Variants in RAET1L observed in about 807,000 individuals in gnomAD.
The protein encoded by RAET1L is UL16-binding protein 6.
In RAET1L, 16 loss-of-function variants were observed where a neutral mutation model predicts 23.9. The ratio of observed to expected loss-of-function variants is 0.67; its 90% CI spans 0.45 to 1.02. RAET1L has a LOEUF of 1.02. Ranked by LOEUF, RAET1L falls within the 50% of genes least tolerant of loss-of-function variation. The pLI, the probability that RAET1L is intolerant of heterozygous loss-of-function variation, is 0.00. For synonymous variants in RAET1L, 70 were observed against 111.2 expected (o/e 0.63, Z 2.33); for missense variants, 233 against 304.0 (o/e 0.77, Z 1.74).
chr6:150,023,896 G>A (rs1375630826), intron 1 of RAET1L, among the ~76,000 whole-genome samples: 2 of 152,192 alleles, frequency 1.3e-5, no homozygotes, highest in Non-Finnish European at 1.5e-5. Flanking sequence ...ATGAAGCTTA[G>A]GGATGCCTAT....
intron 2 of RAET1L, 28 bp from the exon 3 acceptor site, chr6:150,021,214 T>C: frequency 1.9e-6 from 3 of 1,590,210 alleles, no homozygotes; most frequent in Non-Finnish European, 2.6e-6. Context: ...AGATCAGCTC[T>C]GATCTTGACA....
chr6:150,025,530 A>G lies in RAET1L; in HGVS notation c.-59T>C, dbSNP rs1775879170. ...ATCAAGGTGGATCCTGGAAGATGAA[A>G]TCACCTCTGTGCTGAAAGGCTGGCT... is the stretch of plus-strand genomic sequence containing the variant. On this transcript the variant is annotated 5_prime_UTR_variant, in exon 1 of 5. Coordinates refer to ENST00000367341, the MANE Select transcript of RAET1L (RefSeq NM_130900.3). 2 of 1,403,580 alleles carry G rather than the reference A, an allele frequency of 1.4e-6. No homozygotes were observed. Among genetic ancestry groups the G allele is most frequent in the African/African-American group, 1.4e-5 (1 of 70,818 alleles). 86.9% of individuals were successfully genotyped at this position (1,403,580 alleles called of 1,614,324 possible).
At chr6:150,025,268 C>A (rs1775874068) in intron 1 of RAET1L, 119 bp downstream of exon 1, 18 of 782,960 alleles carry the variant, frequency 2.3e-5, no homozygotes, top group Non-Finnish European at 3.5e-5. Context: ...GAGCTGGGGG[C>A]GCAGTTCGGG....
intron 2 of RAET1L, among the ~76,000 whole-genome samples, chr6:150,021,443 G>A (rs1239442890): frequency 7.4e-6 from 1 of 135,142 alleles, no homozygotes; most frequent in East Asian, 2.0e-4. Flanking sequence ...AGGACTACAG[G>A]CGCCCGCCAC....
chr6:150,025,392 C>G lies in RAET1L; in HGVS notation c.80G>C (p.Arg27Pro). ...GGCTCCATCCACCAGCTCACCGTCT[C>G]GCCTAGCCCGGGACCAGCCGAACAG... ...FLLFGWSRAR[R>P]DDPHSLCYDI... is the part of the protein sequence containing the mutation. Residue 27 changes from arginine to proline, a missense_variant, in exon 1 of 5, where the codon CGA (arginine) becomes CCA (proline). Physicochemically the swap from Arg to Pro is moderately radical, Grantham distance 103 (BLOSUM62 -2). Around this residue, in one of 4 missense-constraint regions of RAET1L, gnomAD observed 42 missense variants for 35.0 expected, o/e 1.20. Coordinates refer to ENST00000367341, the MANE Select transcript of RAET1L (RefSeq NM_130900.3). 2 of 1,613,646 alleles carry G rather than the reference C, an allele frequency of 1.2e-6. No homozygotes were observed. Among genetic ancestry groups the G allele is most frequent in the Non-Finnish European group, 1.7e-6 (2 of 1,179,642 alleles).
rs1227524548 is a variant in RAET1L, at chr6:150,022,769, G to A, written c.86-526C>T. Among the ~76,000 whole-genome samples the A allele has an allele frequency of 4.3e-5, 5 of 116,632 alleles. 1 individual carries two copies. The highest frequency in any genetic ancestry group is 9.8e-5 in the Non-Finnish European group (5 of 51,230). The allele number at this position is 116,632 out of a possible 152,430, so 76.5% of individuals were successfully genotyped here. On this transcript the variant is annotated intron_variant, in intron 1 of 4. Transcript: ENST00000367341. The stretch of plus-strand genomic sequence containing the variant: ...TGATGGCATGCATCTGCTATGAGGA[G>A]GCCTTCCTGAAACCTTGGACAAAGA...
rs1779893118 is a variant in RAET1L, at chr6:150,021,867, C to T, written c.349+113G>A. Reference sequence around the variant, plus strand: ...TCTACCTCACAAAGTGCTGGGACTACAGGCGTGAGCCACCGTGCCCAGGAC... The same window carrying T: ...TCTACCTCACAAAGTGCTGGGACTATAGGCGTGAGCCACCGTGCCCAGGAC... On this transcript the variant is annotated intron_variant, in intron 2 of 4. Coordinates refer to ENST00000367341, the MANE Select transcript of RAET1L (RefSeq NM_130900.3). 8 of 1,286,434 alleles carry T rather than the reference C, an allele frequency of 6.2e-6. 1 individual carries two copies. Among genetic ancestry groups the T allele is most frequent in the South Asian group, 5.4e-5 (4 of 73,732 alleles). 79.7% of individuals were successfully genotyped at this position (1,286,434 alleles called of 1,614,324 possible).
In RAET1L at chr6:150,020,165, T is replaced by G; in HGVS notation, c.706A>C (p.Ile236Leu). ...GGGAGGATGAAGCAGGGGAGGATGA[T>G]GAGGAGGCAGCAAAGGATGAGGGTG... is the stretch of plus-strand genomic sequence containing the variant. The part of the protein sequence containing the change: ...ATTLILCCLL[I>L]ILPCFILPGI Residue 236 changes from isoleucine to leucine, a missense_variant, in exon 4 of 5, where the codon ATC becomes CTC. Transcript: ENST00000367341. 1 of 1,274,062 alleles carries G rather than the reference T, an allele frequency of 7.8e-7. No individual in the cohort carries two copies. Among genetic ancestry groups the G allele is most frequent in the Non-Finnish European group, 1.1e-6 (1 of 895,914 alleles). 78.9% of individuals were successfully genotyped at this position (1,274,062 alleles called of 1,614,324 possible). A position where few individuals can be genotyped will look rare whatever the true frequency, so the allele number is the denominator to read the frequency against.
rs1446661460 is a variant in RAET1L at position 150,021,140 on chromosome 6, T to C, written c.396A>G (p.Glu132=). Residue 132 remains glutamate (E), a synonymous_variant, in exon 3 of 5, where the codon GAA becomes GAG. Transcript: ENST00000367341. The part of the protein sequence containing the change: ...QARMSCEQKA[E]GHSSGSWQFS... ...ACTGCCAAGATCCACTGCTGTGTCC[T>C]TCAGCTTTCTGCTCACAAGACATCC... The C allele has an allele frequency of 6.2e-7, 1 of 1,613,956 alleles. No homozygotes were observed. Among genetic ancestry groups the C allele is most frequent in the Non-Finnish European group, 8.5e-7 (1 of 1,180,008 alleles).
At chr6:150,025,291 G>T in intron 1 of RAET1L, 96 bp downstream of exon 1, 4 of 1,029,458 alleles carry the variant, frequency 3.9e-6, no homozygotes, top group Non-Finnish European at 4.4e-6. Flanking sequence ...GATCTCCCTT[G>T]TCCTTCCAGA....
chr6:150,024,080 G>A (rs1163868188), intron 1 of RAET1L, among the ~76,000 whole-genome samples: 2 of 152,092 alleles, frequency 1.3e-5, no homozygotes, highest in Admixed American at 6.5e-5. Flanking sequence ...AGGACACCAC[G>A]TGGCTGCACC....
At chr6:150,024,072 G>A (rs533402523) in intron 1 of RAET1L, among the ~76,000 whole-genome samples, 9 of 152,228 alleles carry the variant, frequency 5.9e-5, no homozygotes, top group Non-Finnish European at 1.2e-4. Context: ...TGATCCCCAG[G>A]ACACCACGTG....
In RAET1L at chr6:150,020,337, A is replaced by G; in HGVS notation, c.632-98T>C. On this transcript the variant is annotated intron_variant, in intron 3 of 4. Transcript: ENST00000367341. ...CCACCCTAGGTCATCCTGGAAGGCA[A>G]AAGTTTTGTCCCCTCCCCCCTGGTG... 3.1e-6 allele frequency: 5 copies of G among 1,591,854 alleles called. No homozygotes were observed. In the South Asian group the frequency reaches 5.6e-5, roughly 18 times the overall value.
At chr6:150,021,332 T>C (rs1477076233) in intron 2 of RAET1L, 146 bp from the exon 3 acceptor site, 12 of 1,091,552 alleles carry the variant, frequency 1.1e-5, no homozygotes, top group Non-Finnish European at 1.4e-5. Flanking sequence ...CCTTCCCATT[T>C]GTATTTTTTT....
Position 150,018,779 on chromosome 6 carries a change from G to GA in RAET1L, c.*98_*99insT. The GA allele has an allele frequency of 3.8e-6, 1 of 264,404 alleles. No homozygotes were observed. The highest frequency in any genetic ancestry group is 7.3e-6 in the Non-Finnish European group (1 of 136,752). The allele number at this position is 264,404 out of a possible 1,614,324, so 16.4% of individuals were successfully genotyped here. ...AGGCTGCTGGACATACACCGTAGGT[G>GA]GTGGGCAGCTGGCCAGACAGAAGGG... is the stretch of plus-strand genomic sequence containing the variant. On this transcript the variant is annotated 3_prime_UTR_variant, in exon 5 of 5. Coordinates refer to ENST00000367341, the MANE Select transcript of RAET1L (RefSeq NM_130900.3).
intron 4 of RAET1L, among the ~76,000 whole-genome samples, chr6:150,019,264 T>C (rs906470884): frequency 5.9e-5 from 9 of 152,212 alleles, no homozygotes; most frequent in African/African-American, 1.7e-4. Flanking sequence ...TTTCCCCTTC[T>C]TCTTGAGCAT....
intron 4 of RAET1L, among the ~76,000 whole-genome samples, 194 bp downstream of exon 4, chr6:150,019,914 C>G (rs1480120999): frequency 2.4e-5 from 3 of 124,192 alleles, no homozygotes; most frequent in Admixed American, 7.8e-5. Flanking sequence ...GAGAAACCAT[C>G]AGAACTCAGG....
intron 1 of RAET1L, among the ~76,000 whole-genome samples, chr6:150,023,412 T>G (rs1555698): frequency 0.48 from 72,241 of 149,968 alleles, 17,969 homozygotes; most frequent in Admixed American, 0.58. Flanking sequence ...CCCATGACTA[T>G]AAGAAGACAC....
At position 150,021,138 on chromosome 6, in the gene RAET1L, C is replaced by T. The variant is rs753984213; in HGVS notation, c.398G>A (p.Gly133Glu). The T allele has an allele frequency of 6.2e-6, 10 of 1,613,950 alleles. No homozygotes were observed. In the East Asian group the frequency reaches 2.0e-4, roughly 32 times the overall value. Residue 133 changes from glycine (G) to glutamate (E), a missense_variant, in exon 3 of 5, where the codon GGA becomes GAA. Gly to Glu is a moderately conservative substitution (Grantham distance 98). Coordinates refer to ENST00000367341, the MANE Select transcript of RAET1L (RefSeq NM_130900.3). ...ARMSCEQKAEGHSSGSWQFSI... is the reference protein window; with the variant it reads ...ARMSCEQKAEEHSSGSWQFSI... The stretch of plus-strand genomic sequence containing the variant: ...GAACTGCCAAGATCCACTGCTGTGT[C>T]CTTCAGCTTTCTGCTCACAAGACAT...
Sources: gnomAD v4.1 joint callset for allele counts (sites outside exome capture counted in the v4.1 genomes callset) on GRCh38, gnomAD v4.1.1 for gene constraint, gnomAD v4.1.1 regional missense constraint, MANE v1.5 for transcripts, NCBI Gene and HGNC (gene_info 2026-07-23, HGNC 2026-07-21) for gene names.